GMDS: variants seen among roughly 807,000 people sequenced by gnomAD.
The protein encoded by GMDS is GDP-mannose 4,6 dehydratase.
In GMDS, 20 loss-of-function variants were observed where a neutral mutation model predicts 49.9. The observed-to-expected ratio is 0.40, with a 90% CI of 0.28 to 0.58. The LOEUF (loss-of-function observed/expected upper bound fraction) is 0.58. GMDS is among the 20% of genes least tolerant of loss of function. GMDS has a pLI of 0.42. For missense variants in GMDS, 362 were observed against 481.4 expected, an observed-to-expected ratio of 0.75 and a Z score of 2.32; for synonymous variants, 177 against 178.6, an observed-to-expected ratio of 0.99 and a Z score of 0.07.
At chr6:2,176,061 T>C (rs1329996708) in intron 1 of GMDS, 5 of 1,347,862 alleles carry the variant, frequency 3.7e-6, no homozygotes, top group East Asian at 5.0e-5. Flanking sequence ...ACAGCAGATG[T>C]GACTACAGCT....
intron 7 of GMDS, among the ~76,000 whole-genome samples, chr6:1,900,769 T>C (rs770339613): frequency 6.6e-5 from 10 of 152,218 alleles, no homozygotes; most frequent in Non-Finnish European, 1.0e-4. Context: ...CAGTGACTTA[T>C]TTCAGTCTTC....
chr6:1,949,672 A>G (rs938077442), intron 6 of GMDS, among the ~76,000 whole-genome samples: 4 of 152,214 alleles, frequency 2.6e-5, no homozygotes, highest in Admixed American at 6.5e-5. Context: ...CATGTCATCT[A>G]TGAAGTATCA....
chr6:2,018,670 T>C (rs1768055572), intron 4 of GMDS, among the ~76,000 whole-genome samples: 1 of 152,220 alleles, frequency 6.6e-6, no homozygotes, highest in African/African-American at 2.4e-5. Flanking sequence ...CATAAGTACT[T>C]CATTGACTTT....
intron 4 of GMDS, among the ~76,000 whole-genome samples, chr6:2,071,401 G>A (rs904526864): frequency 6.6e-6 from 1 of 152,016 alleles, no homozygotes; most frequent in African/African-American, 2.4e-5. Context: ...TTTGTCCTGT[G>A]TGAGACACTC....
At chr6:1,746,491 CA>C (rs1767500775) in intron 7 of GMDS, among the ~76,000 whole-genome samples, 1 of 152,106 alleles carries the variant, frequency 6.6e-6, no homozygotes, top group African/African-American at 2.4e-5. Context: ...GGGCAGTTTT[CA>C]AATCATGTCT....
chr6:2,141,516 C>T (rs374366666), intron 1 of GMDS, among the ~76,000 whole-genome samples: 1 of 152,192 alleles, frequency 6.6e-6, no homozygotes, highest in East Asian at 1.9e-4. Context: ...GCTTATGTGC[C>T]TACAGGTAGG....
intron 1 of GMDS, among the ~76,000 whole-genome samples, chr6:2,178,003 A>C (rs1024735729): frequency 1.3e-5 from 2 of 152,204 alleles, no homozygotes; most frequent in East Asian, 3.8e-4. Context: ...GATGCAGCTG[A>C]AGGCCATTAT....
intron 7 of GMDS, among the ~76,000 whole-genome samples, chr6:1,928,311 G>A (rs1398482847): frequency 6.6e-6 from 1 of 151,478 alleles, no homozygotes; most frequent in Non-Finnish European, 1.5e-5. Flanking sequence ...GTTGCAGTGA[G>A]CCAAGATTGT....
At chr6:2,050,267 G>C (rs974819145) in intron 4 of GMDS, among the ~76,000 whole-genome samples, 1 of 152,110 alleles carries the variant, frequency 6.6e-6, no homozygotes, top group African/African-American at 2.4e-5. Flanking sequence ...AAATAAACTG[G>C]AACATGTAGA....
At chr6:2,219,245 G>A (rs1282722298) in intron 1 of GMDS, among the ~76,000 whole-genome samples, 4 of 152,098 alleles carry the variant, frequency 2.6e-5, no homozygotes, top group African/African-American at 9.7e-5. Context: ...CTACCCAGAA[G>A]ATAAATAAAA....
chr6:2,088,592 C>T (rs1194799583), intron 4 of GMDS, among the ~76,000 whole-genome samples: 1 of 152,098 alleles, frequency 6.6e-6, no homozygotes, highest in Non-Finnish European at 1.5e-5. Context: ...ATTTTCTATG[C>T]ATACTTTACT....
chr6:2,184,443 T>C (rs1206781114), intron 1 of GMDS, among the ~76,000 whole-genome samples: 1 of 152,218 alleles, frequency 6.6e-6, no homozygotes, highest in Non-Finnish European at 1.5e-5. Flanking sequence ...TCCTGGCCTC[T>C]TTCCATCCCT....
At chr6:2,022,408 T>G (rs1251544156) in intron 4 of GMDS, among the ~76,000 whole-genome samples, 1 of 152,186 alleles carries the variant, frequency 6.6e-6, no homozygotes, top group East Asian at 1.9e-4. Flanking sequence ...TTTCTGGTAT[T>G]TTTTGCATTC....
intron 7 of GMDS, among the ~76,000 whole-genome samples, chr6:1,897,228 C>T (rs1041870352): frequency 3.3e-5 from 5 of 152,182 alleles, no homozygotes; most frequent in African/African-American, 1.2e-4. Flanking sequence ...CATGGCCTTT[C>T]CTCAGTGTGC....
intron 4 of GMDS, among the ~76,000 whole-genome samples, chr6:2,049,238 T>C (rs141662432): frequency 1.3e-5 from 2 of 152,224 alleles, no homozygotes; most frequent in South Asian, 2.1e-4. Flanking sequence ...GTAATTTATC[T>C]ATAGATTCAT....
chr6:2,210,207 G>A (rs9378325), intron 1 of GMDS, among the ~76,000 whole-genome samples: 1 of 152,224 alleles, frequency 6.6e-6, no homozygotes, highest in East Asian at 1.9e-4. Flanking sequence ...AAACCAGAGT[G>A]CCCAGTTAGC....
At chr6:1,866,370 C>T (rs1041869244) in intron 7 of GMDS, among the ~76,000 whole-genome samples, 16 of 152,080 alleles carry the variant, frequency 1.1e-4, no homozygotes, top group African/African-American at 3.1e-4. Flanking sequence ...CTGAGCTTCA[C>T]GAAGTTTACA....
At chr6:1,920,945 T>C (rs966863978) in intron 7 of GMDS, among the ~76,000 whole-genome samples, 4 of 152,236 alleles carry the variant, frequency 2.6e-5, no homozygotes, top group African/African-American at 9.6e-5. Context: ...ACTAGCACCA[T>C]GACTTTCTTA....
chr6:2,180,440 T>C (rs1365926995), intron 1 of GMDS, among the ~76,000 whole-genome samples: 1 of 152,120 alleles, frequency 6.6e-6, no homozygotes, highest in Non-Finnish European at 1.5e-5. Context: ...TTGAATGTAC[T>C]AAGAAAAAAA....
Sources: gnomAD v4.1 joint callset for allele counts (sites outside exome capture counted in the v4.1 genomes callset) on GRCh38, gnomAD v4.1.1 for gene constraint, MANE v1.5 for transcripts, NCBI Gene and HGNC (gene_info 2026-07-23, HGNC 2026-07-21) for gene names.